Variants in TAF1 observed in about 807,000 individuals in gnomAD.
The protein encoded by TAF1 is TATA-box binding protein associated factor 1, also known as transcription initiation factor TFIID subunit 1.
In TAF1, 2 loss-of-function variants were observed where a neutral mutation model predicts 138.5. The ratio of observed to expected loss-of-function variants is 0.01; its 90% confidence interval spans 0.01 to 0.05. The LOEUF is 0.05. TAF1 is among the 10% of genes least tolerant of loss of function. TAF1 has a pLI of 1.00. For missense variants in TAF1, 709 were observed against 1,478.0 expected (o/e 0.48, Z 8.53); for synonymous variants, 437 against 503.2 (o/e 0.87, Z 1.76).
At chrX:71,467,213 G>A (rs985974269), downstream of TAF1, among the ~76,000 whole-genome samples, 5 of 108,508 alleles carry the variant, frequency 4.6e-5, no homozygotes, top group African/African-American at 1.7e-4. Flanking sequence ...AAAGGTCTCT[G>A]GTTTTCCTAG....
At chrX:71,374,044 C>G (rs1319992424) in intron 3 of TAF1, among the ~76,000 whole-genome samples, 6 of 110,743 alleles carry the variant, frequency 5.4e-5, no homozygotes, top group Admixed American at 9.6e-5. Context: ...TCAAGCAGCT[C>G]TTGGAAACGC....
At chrX:71,373,753 TGA>T (rs746348520) in intron 3 of TAF1, among the ~76,000 whole-genome samples, 2 of 111,397 alleles carry the variant, frequency 1.8e-5, no homozygotes, top group East Asian at 2.8e-4. Context: ...AGGTGATTCT[TGA>T]GAGAGGGAAT....
At chrX:71,451,475 AT>A (rs57239219) in intron 32 of TAF1, among the ~76,000 whole-genome samples, 3,091 of 99,267 alleles carry the variant, frequency 0.031, 99 homozygotes, top group African/African-American at 0.095. Context: ...TTTATTTTTT[AT>A]TTTTTTTTCC....
chrX:71,404,951 CTTTTTTTT>C (rs1170234048), intron 25 of TAF1, among the ~76,000 whole-genome samples: 1 of 74,876 alleles, frequency 1.3e-5, no homozygotes, highest in Non-Finnish European at 2.5e-5. Flanking sequence ...TTATTCCAAA[CTTTTTTTT>C]TTTTTTTTTT....
At chrX:71,456,079 T>G (rs1246895979) in intron 34 of TAF1, among the ~76,000 whole-genome samples, 4 of 111,702 alleles carry the variant, frequency 3.6e-5, no homozygotes, top group Admixed American at 1.9e-4. Context: ...GAAGGCCCTA[T>G]TTGCTAATAG....
chrX:71,507,662 C>T (rs1349442284), intron 13 of TAF1, among the ~76,000 whole-genome samples: 1 of 110,331 alleles, frequency 9.1e-6, no homozygotes, highest in Non-Finnish European at 1.9e-5. Flanking sequence ...CCTGTGTTGT[C>T]CAGGCTGGTG....
At chrX:71,418,186 T>A (rs1415328964) in intron 28 of TAF1, among the ~76,000 whole-genome samples, 1 of 112,226 alleles carries the variant, frequency 8.9e-6, no homozygotes, top group African/African-American at 3.2e-5. Flanking sequence ...CTTGACCTCC[T>A]GGGCCGAAGC....
chrX:71,406,794 TC>T, intron 26 of TAF1, 48 bp downstream of exon 26: 7 of 1,067,261 alleles, frequency 6.6e-6, no homozygotes, highest in Non-Finnish European at 7.8e-6. Context: ...TATCATTGAT[TC>T]CCCAGCCCTG....
chrX:71,407,687 T>C lies in TAF1; in HGVS notation c.4206+15T>C. 8.4e-7 allele frequency: 1 copy of C among 1,188,373 alleles called. No homozygotes were observed. Among genetic ancestry groups the C allele is most frequent in the Non-Finnish European group, 1.1e-6 (1 of 873,991 alleles). ...ATCTTCCAAATGTGAGTTCATTGCATTGGATATCTATAGTAGGGATGTCAA... is the reference window on the plus strand; with the variant it reads ...ATCTTCCAAATGTGAGTTCATTGCACTGGATATCTATAGTAGGGATGTCAA... On this transcript the variant is annotated intron_variant, in intron 27 of 37. Coordinates refer to ENST00000423759, the MANE Select transcript of TAF1 (RefSeq NM_004606.5).
In TAF1 at chrX:71,507,488, C is replaced by T. The variant is rs768238295; in HGVS notation, c.1367-21054C>T. 4.5e-5 allele frequency among the ~76,000 whole-genome samples: 5 copies of T among 112,021 alleles called. No individual in the cohort carries two copies. In the South Asian group the frequency reaches 1.9e-3, roughly 42 times the overall value. On this transcript the variant is annotated intron_variant and NMD_transcript_variant, in intron 13 of 14. Transcript: ENST00000373775. ...CAAGCAATCCTCTCACCTTTGGACC[C>T]CAGATTGCTGGGATTATAGGTGTGA...
At chrX:71,417,769 G>C (rs1451896370) in intron 28 of TAF1, among the ~76,000 whole-genome samples, 1 of 111,424 alleles carries the variant, frequency 9.0e-6, no homozygotes, top group Non-Finnish European at 1.9e-5. Context: ...TGTTTATTGG[G>C]ATGTAACCCT....
At chrX:71,506,162 T>C (rs2039620842) in intron 13 of TAF1, among the ~76,000 whole-genome samples, 1 of 107,786 alleles carries the variant, frequency 9.3e-6, no homozygotes, top group Non-Finnish European at 1.9e-5. Context: ...ACCACGCCAT[T>C]GTATTCCAGC....
chrX:71,393,863 G>T (rs1018602996), intron 21 of TAF1, among the ~76,000 whole-genome samples: 3 of 112,041 alleles, frequency 2.7e-5, no homozygotes, highest in African/African-American at 9.7e-5. Context: ...TTGTCTCCAG[G>T]AATTCTGAAA....
At chrX:71,411,497 G>A (rs539846946) in intron 28 of TAF1, among the ~76,000 whole-genome samples, 1 of 110,912 alleles carries the variant, frequency 9.0e-6, no homozygotes, top group South Asian at 3.7e-4. Flanking sequence ...GAAAAAAAAA[G>A]ATAAAGTAGA....
intron 28 of TAF1, among the ~76,000 whole-genome samples, chrX:71,417,459 T>A (rs1188681298): frequency 9.0e-6 from 1 of 110,891 alleles, no homozygotes; most frequent in Non-Finnish European, 1.9e-5. Context: ...CTGGGCTCGA[T>A]GATTCTCCCA....
At chrX:71,390,428 C>A (rs1026447828) in intron 18 of TAF1, among the ~76,000 whole-genome samples, 1 of 112,100 alleles carries the variant, frequency 8.9e-6, no homozygotes, top group Non-Finnish European at 1.9e-5. Flanking sequence ...AAGTTATTTT[C>A]TCTGGGAAGC....
In TAF1 at chrX:71,498,988, C is replaced by A. The variant is rs756243097; in HGVS notation, c.1367-29554C>A. Among the ~76,000 whole-genome samples, 5 of 111,351 alleles carry A rather than the reference C, an allele frequency of 4.5e-5. No individual in the cohort carries two copies. In the East Asian group the frequency reaches 1.1e-3, roughly 25 times the overall value. On this transcript the variant is annotated intron_variant and NMD_transcript_variant, in intron 13 of 14. Transcript: ENST00000373775. The stretch of plus-strand genomic sequence containing the variant: ...TCCTGGCCCTCAATAGTTAAACATA[C>A]CCGGGGCTCAGTGAGGGTGATGACA...
At chrX:71,377,894 AT>A in intron 6 of TAF1, 73 bp downstream of exon 6, 1 of 1,023,368 alleles carries the variant, frequency 9.8e-7, no homozygotes. Context: ...TCCCTAATTT[AT>A]GTCTAAATTG....
chrX:71,369,581 T>C (rs1224408796), intron 3 of TAF1, among the ~76,000 whole-genome samples: 1 of 110,311 alleles, frequency 9.1e-6, no homozygotes, highest in Non-Finnish European at 1.9e-5. Flanking sequence ...TGTTATGTAC[T>C]CTAAACTGAT....
Sources: allele counts gnomAD v4.1 joint callset (sites outside exome capture counted in the v4.1 genomes callset), GRCh38; gene constraint gnomAD v4.1.1; transcripts MANE v1.5; gene names NCBI Gene and HGNC (gene_info 2026-07-23, HGNC 2026-07-21).